IFNAR1: variants seen among roughly 807,000 people sequenced by gnomAD.
The protein encoded by IFNAR1 is interferon alpha/beta receptor 1.
In IFNAR1, 47 loss-of-function variants were observed where a neutral mutation model predicts 62.1. The observed-to-expected ratio is 0.76, with a 90% CI of 0.60 to 0.97. The LOEUF (loss-of-function observed/expected upper bound fraction) is 0.97, where lower values mean the gene tolerates loss of function less well. IFNAR1 is among the 50% of genes least tolerant of loss of function. The pLI is 0.00. For synonymous variants in IFNAR1, 219 were observed against 226.9 expected (o/e 0.97, Z 0.31); for missense variants, 638 against 654.5 (o/e 0.97, Z 0.27).
intron 1 of IFNAR1, among the ~76,000 whole-genome samples, chr21:33,328,991 A>G (rs2123654268): frequency 6.6e-6 from 1 of 152,278 alleles, no homozygotes; most frequent in African/African-American, 2.4e-5. Context: ...GCCAATAATA[A>G]TAGAGCAAAA....
intron 1 of IFNAR1, chr21:33,334,652 T>G (rs2083215791): frequency 4.0e-6 from 3 of 754,236 alleles, no homozygotes; most frequent in Non-Finnish European, 7.1e-6. Context: ...CAATGGCTTC[T>G]GGGGAAGACC....
chr21:33,345,217 C>CT (rs762627295), intron 5 of IFNAR1, 29 bp from the exon 6 acceptor site: 79 of 1,110,010 alleles, frequency 7.1e-5, no homozygotes, highest in Middle Eastern at 2.0e-4. Flanking sequence ...AAAATGTGTG[C>CT]TTTTTTTTAT....
At chr21:33,349,019 C>G (rs2083374993) in intron 6 of IFNAR1, 72 bp from the exon 7 acceptor site, 8 of 935,770 alleles carry the variant, frequency 8.5e-6, no homozygotes, top group Non-Finnish European at 1.1e-5. Context: ...ACCTTAGCCC[C>G]TAACATAGTG....
chr21:33,352,754 C>G lies in IFNAR1; in HGVS notation c.1144-4C>G. Reference sequence around the variant, plus strand: ...TTTATCAGTGATTTAATTATATTTTCTAGAGAAAAATTATCGAGAAAAAAA... The same window carrying G: ...TTTATCAGTGATTTAATTATATTTTGTAGAGAAAAATTATCGAGAAAAAAA... On this transcript the variant is annotated splice_region_variant and splice_polypyrimidine_tract_variant and intron_variant, in intron 8 of 10. Transcript: ENST00000270139. 2.8e-6 allele frequency: 4 copies of G among 1,443,724 alleles called. No individual in the cohort carries two copies. The highest frequency in any genetic ancestry group is 3.8e-6 in the Non-Finnish European group (4 of 1,051,134). The allele number at this position is 1,443,724 out of a possible 1,614,324, so 89.4% of individuals were successfully genotyped here.
At chr21:33,333,529 A>G (rs1249219731) in intron 1 of IFNAR1, among the ~76,000 whole-genome samples, 1 of 152,196 alleles carries the variant, frequency 6.6e-6, no homozygotes, top group East Asian at 1.9e-4. Context: ...AACTTTAACA[A>G]AATGACAAAT....
At chr21:33,329,009 A>G (rs1568925039) in intron 1 of IFNAR1, among the ~76,000 whole-genome samples, 1 of 152,156 alleles carries the variant, frequency 6.6e-6, no homozygotes, top group East Asian at 1.9e-4. Context: ...AAATCTGTGA[A>G]AACTAAAATC....
intron 3 of IFNAR1, 65 bp from the exon 4 acceptor site, chr21:33,343,203 G>A: frequency 1.4e-6 from 2 of 1,385,016 alleles, no homozygotes; most frequent in African/African-American, 2.9e-5. Context: ...AGAATTATTT[G>A]TTGAATGAAG....
At chr21:33,338,701 C>G (rs2083266666) in intron 2 of IFNAR1, among the ~76,000 whole-genome samples, 1 of 151,208 alleles carries the variant, frequency 6.6e-6, no homozygotes, top group Non-Finnish European at 1.5e-5. Context: ...ATTTCATATT[C>G]TGTTCTGAGC....
At position 33,341,002 on chromosome 21, in the gene IFNAR1, T is replaced by G. The variant is rs1035167090; in HGVS notation, c.204T>G (p.Thr68=). 1.9e-6 allele frequency: 3 copies of G among 1,600,760 alleles called. No individual in the cohort carries two copies. Among genetic ancestry groups the G allele is most frequent in the Non-Finnish European group, 2.6e-6 (3 of 1,170,418 alleles). Residue 68 remains threonine (T), a synonymous_variant, in exon 3 of 11, where the codon ACT becomes ACG. Coordinates refer to ENST00000270139, the MANE Select transcript of IFNAR1 (RefSeq NM_000629.3). The part of the protein sequence containing the change: ...NVTFSFDYQK[T]GMDNWIKLSG... The stretch of plus-strand genomic sequence containing the variant: ...ATTTGTTTTTTTTACTTTAAAGAAC[T>G]GGGATGGATAATTGGATAAAATTGT...
chr21:33,333,612 A>ATTTTTTTTTTTTTTTTTT (rs1248949817), intron 1 of IFNAR1, among the ~76,000 whole-genome samples: 1 of 112,168 alleles, frequency 8.9e-6, no homozygotes, highest in African/African-American at 3.6e-5. Context: ...GACTGGCGGA[A>ATTTTTTTTTTTTTTTTTT]TATTTTTTTT....
chr21:33,354,802 A>G (rs1308074265), intron 10 of IFNAR1, among the ~76,000 whole-genome samples: 2 of 152,202 alleles, frequency 1.3e-5, no homozygotes, highest in African/African-American at 4.8e-5. Context: ...TTACCACTCT[A>G]AAAATGCTCC....
intron 2 of IFNAR1, 86 bp downstream of exon 2, chr21:33,335,733 GTGTT>G: frequency 1.7e-6 from 2 of 1,155,268 alleles, no homozygotes; most frequent in Non-Finnish European, 2.4e-6. Context: ...GATTTGGAAA[GTGTT>G]TGGTTTTTCT....
intron 6 of IFNAR1, among the ~76,000 whole-genome samples, chr21:33,346,908 C>T (rs551306981): frequency 4.6e-5 from 7 of 152,270 alleles, no homozygotes; most frequent in East Asian, 3.9e-4. Flanking sequence ...TTACCACAGA[C>T]TTAGCAACTT....
intron 9 of IFNAR1, among the ~76,000 whole-genome samples, chr21:33,353,228 A>G (rs2083415505): frequency 6.6e-6 from 1 of 152,238 alleles, no homozygotes; most frequent in African/African-American, 2.4e-5. Context: ...ATTATCATGT[A>G]GAAATCACTT....
chr21:33,325,077 G>T lies in IFNAR1; in HGVS notation c.22G>T (p.Ala8Ser), dbSNP rs763417814. The T allele has an allele frequency of 6.2e-7, 1 of 1,609,374 alleles. No individual in the cohort carries two copies. The highest frequency in any genetic ancestry group is 8.5e-7 in the Non-Finnish European group (1 of 1,178,660). ...CCAGATGATGGTCGTCCTCCTGGGC[G>T]CGACGACCCTAGTGCTCGTCGCCGT... Reference protein sequence around the residue: MMVVLLGATTLVLVAVAP... With the variant: MMVVLLGSTTLVLVAVAP... The change falls in exon 1 of 11, where the codon GCG (alanine) becomes TCG (serine). Residue 8 changes from alanine to serine, a missense_variant. Ala to Ser is a moderately conservative substitution (Grantham distance 99). Coordinates refer to ENST00000270139, the MANE Select transcript of IFNAR1 (RefSeq NM_000629.3).
At chr21:33,342,169 G>A (rs1433685339) in intron 3 of IFNAR1, among the ~76,000 whole-genome samples, 1 of 152,118 alleles carries the variant, frequency 6.6e-6, no homozygotes, top group Non-Finnish European at 1.5e-5. Context: ...AACACTTTGG[G>A]AGGCTGAGGT....
intron 1 of IFNAR1, among the ~76,000 whole-genome samples, chr21:33,328,530 A>G (rs1056120442): frequency 7.2e-5 from 11 of 152,200 alleles, no homozygotes; most frequent in African/African-American, 2.4e-4. Flanking sequence ...AAAAAAAATC[A>G]TGTTGAAAAC....
intron 1 of IFNAR1, among the ~76,000 whole-genome samples, chr21:33,332,816 T>G (rs1329850067): frequency 6.6e-6 from 1 of 152,200 alleles, no homozygotes; most frequent in Non-Finnish European, 1.5e-5. Flanking sequence ...TGATATTACT[T>G]AATTGTAGAA....
At chr21:33,336,493 C>T (rs2083236874) in intron 2 of IFNAR1, among the ~76,000 whole-genome samples, 1 of 149,974 alleles carries the variant, frequency 6.7e-6, no homozygotes. Context: ...CCTGAGGAAT[C>T]GCCACACTGA....
Sources: gnomAD v4.1 joint callset for allele counts (sites outside exome capture counted in the v4.1 genomes callset) on GRCh38, gnomAD v4.1.1 for gene constraint, MANE v1.5 for transcripts, NCBI Gene and HGNC (gene_info 2026-07-23, HGNC 2026-07-21) for gene names.